Variants in FSIP2 observed in about 807,000 individuals in gnomAD.
FSIP2 encodes fibrous sheath interacting protein 2, also known as fibrous sheath-interacting protein 2.
FSIP2 carries 367 observed loss-of-function variants against 510.5 expected under a neutral mutation model. The observed-to-expected ratio is 0.72, with a 90% CI of 0.66 to 0.78. The LOEUF (loss-of-function observed/expected upper bound fraction) is 0.78, where lower values mean the gene tolerates loss of function less well. Among genes scored for constraint, FSIP2 ranks in the 30% least tolerant of loss-of-function variants. The pLI, the probability that FSIP2 is intolerant of heterozygous loss-of-function variation, is 0.00. For synonymous variants in FSIP2, 2,601 were observed against 2,732.2 expected, an observed-to-expected ratio of 0.95 and a Z score of 1.50; for missense variants, 7,594 against 7,901.7, an observed-to-expected ratio of 0.96 and a Z score of 1.48.
intron 13 of FSIP2, among the ~76,000 whole-genome samples, chr2:185,768,837 G>A (rs1692549871): frequency 6.6e-6 from 1 of 152,022 alleles, no homozygotes; most frequent in East Asian, 1.9e-4. Context: ...TCGAGTCCAT[G>A]TTTTCTCATC....
intron 13 of FSIP2, among the ~76,000 whole-genome samples, chr2:185,780,490 A>T (rs187597576): frequency 3.4e-4 from 52 of 151,554 alleles, no homozygotes; most frequent in African/African-American, 1.2e-3. Context: ...TATATATATA[A>T]AATACAATTT....
intron 13 of FSIP2, among the ~76,000 whole-genome samples, chr2:185,772,430 C>T (rs766892200): frequency 3.9e-5 from 6 of 152,274 alleles, no homozygotes; most frequent in South Asian, 2.1e-4. Context: ...ATGGCACCAG[C>T]GTTGCTTCTG....
intron 19 of FSIP2, among the ~76,000 whole-genome samples, chr2:185,817,543 A>G (rs1189883661): frequency 6.6e-6 from 1 of 152,024 alleles, no homozygotes; most frequent in African/African-American, 2.4e-5. Context: ...AGATCTGAAA[A>G]AAACCTAAAT....
chr2:185,792,900 C>T lies in FSIP2; in HGVS notation c.5764C>T (p.Gln1922Ter). 4 of 1,533,400 alleles carry T rather than the reference C, an allele frequency of 2.6e-6. No homozygotes were observed. Among genetic ancestry groups the T allele is most frequent in the Non-Finnish European group, 3.5e-6 (4 of 1,144,966 alleles). The allele number at this position is 1,533,400 out of a possible 1,614,324, so 95.0% of individuals were successfully genotyped here. A position where few individuals can be genotyped will look rare whatever the true frequency, so the allele number is the denominator to read the frequency against. Residue 1922 changes from glutamine (Q) to a stop codon, truncating the protein, a stop_gained, in exon 16 of 23, where the codon CAG (glutamine) becomes TAG (stop). Transcript: ENST00000424728. LOFTEE classifies it high-confidence loss of function. ...TKVNLAEDIV[Q>*]AILTNLETFA... ...GGTAAATCTAGCTGAAGATATTGTA[C>T]AGGCAATATTAACAAATTTAGAAAC...
intron 12 of FSIP2, among the ~76,000 whole-genome samples, chr2:185,763,838 A>G (rs1055633004): frequency 2.0e-5 from 3 of 151,644 alleles, no homozygotes; most frequent in African/African-American, 4.8e-5. Context: ...ATCATTTTCC[A>G]TGTCCTAGAA....
In FSIP2 at chr2:185,804,182, A is replaced by G; in HGVS notation, c.14876A>G (p.Lys4959Arg). The change falls in exon 17 of 23, where the codon AAA (lysine) becomes AGA (arginine). Residue 4959 changes from lysine (K) to arginine (R), a missense_variant. Lys to Arg is a conservative substitution (Grantham distance 26, BLOSUM62 2). Transcript: ENST00000424728. Reference protein sequence around the residue: ...LEEVISELLCKILYAFSHNML... With the variant: ...LEEVISELLCRILYAFSHNML... The stretch of plus-strand genomic sequence containing the variant: ...GAAGTAATTTCTGAGCTCTTATGCA[A>G]AATTCTTTATGCATTTTCACATAAC... 1 of 1,511,726 alleles carries G rather than the reference A, an allele frequency of 6.6e-7. No individual in the cohort carries two copies. Among genetic ancestry groups the G allele is most frequent in the Non-Finnish European group, 8.8e-7 (1 of 1,136,024 alleles). The allele number at this position is 1,511,726 out of a possible 1,614,324, so 93.6% of individuals were successfully genotyped here.
intron 13 of FSIP2, among the ~76,000 whole-genome samples, chr2:185,771,722 C>A (rs1159841381): frequency 1.3e-5 from 2 of 152,156 alleles, no homozygotes; most frequent in African/African-American, 4.8e-5. Context: ...CACTTGGCCC[C>A]CTTTTAGTCA....
At position 185,789,779 on chromosome 2, in the gene FSIP2, T is replaced by A. The variant is rs186393524; in HGVS notation, c.2643T>A (p.Ser881Arg). The part of the protein sequence containing the change: ...NKSSLESDEA[S>R]LIVNEEVQNL... ...CTAGTCTTGAATCTGATGAAGCTAGTTTAATTGTCAATGAAGAAGTACAAA... is the reference window on the plus strand; with the variant it reads ...CTAGTCTTGAATCTGATGAAGCTAGATTAATTGTCAATGAAGAAGTACAAA... Residue 881 changes from serine (S) to arginine (R), a missense_variant, in exon 16 of 23, where the codon AGT (serine) becomes AGA (arginine). Physicochemically the swap from Ser to Arg is moderately radical, Grantham distance 110. Transcript: ENST00000424728. 8.5e-5 allele frequency: 131 copies of A among 1,534,338 alleles called. No homozygotes were observed. In the African/African-American group the frequency reaches 1.7e-3, roughly 20 times the overall value.
chr2:185,760,102 A>G (rs1412857807), intron 9 of FSIP2, among the ~76,000 whole-genome samples: 2 of 150,624 alleles, frequency 1.3e-5, no homozygotes, highest in South Asian at 4.2e-4. Context: ...TTATCTGTAA[A>G]TTCTATTTTG....
chr2:185,774,562 C>T (rs1011570261), intron 13 of FSIP2, among the ~76,000 whole-genome samples: 21 of 146,796 alleles, frequency 1.4e-4, no homozygotes, highest in African/African-American at 5.1e-4. Context: ...TCTCTTATGA[C>T]TGCAAACCAT....
Position 185,831,799 on chromosome 2 carries a change from A to G in FSIP2, c.20518-14A>G, listed in dbSNP as rs917311189. On this transcript the variant is annotated splice_polypyrimidine_tract_variant and intron_variant, in intron 21 of 22. Transcript: ENST00000424728. ...AGTGAAAGACTCAGTTTGTATTTCA[A>G]TTTACCTTGGCAGTTTATCACCATC... 8.8e-6 allele frequency: 14 copies of G among 1,591,448 alleles called. No individual in the cohort carries two copies. The African/African-American group carries it at 9.4e-5, about 11-fold the overall frequency.
Position 185,804,923 on chromosome 2 carries a change from C to G in FSIP2, c.15617C>G (p.Ala5206Gly). 12 of 1,525,096 alleles carry G rather than the reference C, an allele frequency of 7.9e-6. No individual in the cohort carries two copies. The highest frequency in any genetic ancestry group is 9.6e-6 in the Non-Finnish European group (11 of 1,142,916). The allele number at this position is 1,525,096 out of a possible 1,614,324, so 94.5% of individuals were successfully genotyped here. The change falls in exon 17 of 23, where the codon GCT (alanine) becomes GGT (glycine). Residue 5206 changes from alanine (A) to glycine (G), a missense_variant. Coordinates refer to ENST00000424728, the MANE Select transcript of FSIP2 (RefSeq NM_173651.4). The part of the protein sequence containing the change: ...NNILKTSEFQ[A>G]EVQKDADKKG... ...ATTTTGAAAACATCTGAATTCCAAG[C>G]TGAAGTACAAAAAGATGCAGACAAA...
At chr2:185,781,531 G>A (rs916239735) in intron 13 of FSIP2, among the ~76,000 whole-genome samples, 1 of 152,008 alleles carries the variant, frequency 6.6e-6, no homozygotes, top group Non-Finnish European at 1.5e-5. Flanking sequence ...CTTTTGGGGG[G>A]GCCCAATGTC....
chr2:185,792,969 A>T lies in FSIP2; in HGVS notation c.5833A>T (p.Asn1945Tyr). Residue 1945 changes from asparagine (N) to tyrosine (Y), a missense_variant, in exon 16 of 23, where the codon AAC (asparagine) becomes TAC (tyrosine). Asn to Tyr is a moderately radical substitution (Grantham distance 143). Coordinates refer to ENST00000424728, the MANE Select transcript of FSIP2 (RefSeq NM_173651.4). ...KVKSLFYSQV[N>Y]FTVPVALPIQ... Reference sequence around the variant, plus strand: ...AAAATCTCTCTTTTATTCTCAAGTCAACTTTACAGTTCCAGTGGCTTTACC... The same window carrying T: ...AAAATCTCTCTTTTATTCTCAAGTCTACTTTACAGTTCCAGTGGCTTTACC... 1 of 1,534,370 alleles carries T rather than the reference A, an allele frequency of 6.5e-7. No individual in the cohort carries two copies. Among genetic ancestry groups the T allele is most frequent in the Non-Finnish European group, 8.7e-7 (1 of 1,145,700 alleles).
rs764453580 is a variant in FSIP2 at position 185,831,928 on chromosome 2, T to C, written c.20587+46T>C. 3.5e-6 allele frequency: 4 copies of C among 1,131,936 alleles called. No individual in the cohort carries two copies. In the Admixed American group the frequency reaches 6.9e-5, roughly 20 times the overall value. 70.1% of individuals were successfully genotyped at this position (1,131,936 alleles called of 1,614,324 possible). A position where few individuals can be genotyped will look rare whatever the true frequency, so the allele number is the denominator to read the frequency against. The stretch of plus-strand genomic sequence containing the variant: ...ACAACTGGTGTAATTAAACTGTCAA[T>C]TGCATCATTTTGAATTTAGAATTTT... On this transcript the variant is annotated intron_variant, in intron 22 of 22. Transcript: ENST00000424728.
Position 185,743,287 on chromosome 2 carries a change from A to G in FSIP2, c.380A>G (p.Asn127Ser). 6.7e-7 allele frequency: 1 copy of G among 1,491,510 alleles called. No homozygotes were observed. The highest frequency in any genetic ancestry group is 8.8e-7 in the Non-Finnish European group (1 of 1,131,172). The allele number at this position is 1,491,510 out of a possible 1,614,324, so 92.4% of individuals were successfully genotyped here. A position where few individuals can be genotyped will look rare whatever the true frequency, so the allele number is the denominator to read the frequency against. ...AAGAAAGGTGGCTACATCACCAGCA[A>G]TAATAAAGTGGGTTGAAAATTACTT... The part of the protein sequence containing the change: ...RLKKGGYITS[N>S]NKVVCTLREL... Residue 127 changes from asparagine to serine, a missense_variant, in exon 3 of 23, where the codon AAT (asparagine) becomes AGT (serine). Coordinates refer to ENST00000424728, the MANE Select transcript of FSIP2 (RefSeq NM_173651.4).
intron 9 of FSIP2, among the ~76,000 whole-genome samples, chr2:185,759,652 A>G (rs1478406210): frequency 6.8e-6 from 1 of 146,266 alleles, no homozygotes. Context: ...TATATATTAT[A>G]TATATTATAT....
chr2:185,815,038 G>A (rs1192536610), intron 18 of FSIP2, among the ~76,000 whole-genome samples: 1 of 151,992 alleles, frequency 6.6e-6, no homozygotes, highest in African/African-American at 2.4e-5. Flanking sequence ...AGTTGTATCT[G>A]TGTTCTTCCT....
chr2:185,793,948 C>A lies in FSIP2; in HGVS notation c.6812C>A (p.Ser2271Ter). The A allele has an allele frequency of 6.6e-7, 1 of 1,525,706 alleles. No homozygotes were observed. Among genetic ancestry groups the A allele is most frequent in the East Asian group, 2.5e-5 (1 of 40,758 alleles). 94.5% of individuals were successfully genotyped at this position (1,525,706 alleles called of 1,614,324 possible). Reference protein sequence around the residue: ...LESFATERIDSLITLAFQSKE... With the variant: ...LESFATERID Reference sequence around the variant, plus strand: ...TCTTTTGCCACAGAAAGAATAGATTCATTAATTACCCTTGCTTTCCAAAGT... The same window carrying A: ...TCTTTTGCCACAGAAAGAATAGATTAATTAATTACCCTTGCTTTCCAAAGT... The change falls in exon 16 of 23, where the codon TCA becomes TAA. Residue 2271 changes from serine to a stop codon, truncating the protein, a stop_gained. Coordinates refer to ENST00000424728, the MANE Select transcript of FSIP2 (RefSeq NM_173651.4). LOFTEE classifies it high-confidence loss of function.
Sources: allele counts gnomAD v4.1 joint callset (sites outside exome capture counted in the v4.1 genomes callset), GRCh38; gene constraint gnomAD v4.1.1; transcripts MANE v1.5; gene names NCBI Gene and HGNC (gene_info 2026-07-23, HGNC 2026-07-21).